Variants in TUB observed in about 807,000 individuals in gnomAD.
The protein encoded by TUB is TUB bipartite transcription factor.
In TUB, 33 loss-of-function variants were observed where a neutral mutation model predicts 59.7. That is an observed-to-expected ratio of 0.55 (90% CI 0.42 to 0.74). The LOEUF (loss-of-function observed/expected upper bound fraction) is 0.74. Among genes scored for constraint, TUB ranks in the 30% least tolerant of loss-of-function variants. TUB has a pLI of 0.00. For missense variants in TUB, 659 were observed against 672.0 expected (o/e 0.98, Z 0.21); for synonymous variants, 293 against 256.4 (o/e 1.14, Z -1.36).
chr11:8,055,887 G>C (rs1943011515), intron 2 of TUB, among the ~76,000 whole-genome samples: 1 of 152,220 alleles, frequency 6.6e-6, no homozygotes, highest in African/African-American at 2.4e-5. Flanking sequence ...TCAGGGCCCT[G>C]TGACTTCTGA....
intron 2 of TUB, among the ~76,000 whole-genome samples, chr11:8,049,594 G>T (rs1056371565): frequency 0.01 from 1,242 of 118,798 alleles, 14 homozygotes; most frequent in African/African-American, 0.021. Context: ...TAGATAGATA[G>T]ATAGATAGAT....
chr11:8,101,856 G>GACACGCCGA lies in TUB; in HGVS notation c.*237_*238insACACGCCGA. 2.1e-6 allele frequency: 1 copy of GACACGCCGA among 482,856 alleles called. No homozygotes were observed. Among genetic ancestry groups the GACACGCCGA allele is most frequent in the South Asian group, 3.7e-5 (1 of 26,828 alleles). 29.9% of individuals were successfully genotyped at this position (482,856 alleles called of 1,614,324 possible). On this transcript the variant is annotated 3_prime_UTR_variant, in exon 12 of 12. Coordinates refer to ENST00000299506, the MANE Select transcript of TUB (RefSeq NM_177972.3). ...AAGGGATGAGAATAATTCTTTCCAT[G>GACACGCCGA]CCACGAGATCAACACACACTCCCAC...
At position 8,104,388 on chromosome 11, in the gene TUB, C is replaced by CT. The variant is rs1944437914; in HGVS notation, c.*2772dup. ...CAACTCTTCTCCAAGTCTAGCTTTC[C>CT]TTTCCTTCTGGCTCCAAGGTGCTCT... is the stretch of plus-strand genomic sequence containing the variant. On this transcript the variant is annotated 3_prime_UTR_variant, in exon 12 of 12. Coordinates refer to ENST00000299506, the MANE Select transcript of TUB (RefSeq NM_177972.3). 1 of 152,314 alleles carries CT rather than the reference C, an allele frequency of 6.6e-6. No homozygotes were observed. Among genetic ancestry groups the CT allele is most frequent in the Non-Finnish European group, 1.5e-5 (1 of 68,120 alleles). The allele number at this position is 152,314 out of a possible 1,614,324, so 9.4% of individuals were successfully genotyped here.
In TUB at chr11:8,101,759, C is replaced by T. The variant is rs1944317953; in HGVS notation, c.*140C>T. ...GCCCTCAGTGGGCTCCCTGGCCCAG[C>T]CAGCCAGGAACTGGCTCCTTTGCCT... On this transcript the variant is annotated 3_prime_UTR_variant, in exon 12 of 12. Transcript: ENST00000299506. The T allele has an allele frequency of 1.4e-6, 2 of 1,420,622 alleles. No individual in the cohort carries two copies. Among genetic ancestry groups the T allele is most frequent in the South Asian group, 3.0e-5 (2 of 67,442 alleles). The allele number at this position is 1,420,622 out of a possible 1,614,324, so 88.0% of individuals were successfully genotyped here.
intron 1 of TUB, among the ~76,000 whole-genome samples, chr11:8,086,641 T>C (rs1943672113): frequency 6.6e-6 from 1 of 152,166 alleles, no homozygotes; most frequent in Non-Finnish European, 1.5e-5. Context: ...TTACCAGGAA[T>C]CGTGCCCACT....
At chr11:8,094,505 G>A (rs997923047) in intron 4 of TUB, among the ~76,000 whole-genome samples, 1 of 152,196 alleles carries the variant, frequency 6.6e-6, no homozygotes, top group African/African-American at 2.4e-5. Flanking sequence ...CCTCAAGGAG[G>A]ATCTCACCCA....
chr11:8,089,815 A>G (rs1286433443), intron 2 of TUB, among the ~76,000 whole-genome samples, 154 bp downstream of exon 2: 1 of 152,252 alleles, frequency 6.6e-6, no homozygotes, highest in Non-Finnish European at 1.5e-5. Context: ...CTCCCAGCTC[A>G]GCACTAACCC....
chr11:8,044,816 A>G (rs972661112), intron 2 of TUB, among the ~76,000 whole-genome samples: 1 of 152,222 alleles, frequency 6.6e-6, no homozygotes, highest in Non-Finnish European at 1.5e-5. Context: ...TGGCTAACAG[A>G]ACTCAGGAAA....
Position 8,104,226 on chromosome 11 carries a change from A to G in TUB, c.*2607A>G, listed in dbSNP as rs1307537784. On this transcript the variant is annotated 3_prime_UTR_variant, in exon 12 of 12. Transcript: ENST00000299506. ...CTTTGGGCAGGGAATTAATGACAGA[A>G]TGAGCAGTCCCTAATGGTATTGGGC... The G allele has an allele frequency of 6.6e-6, 1 of 152,242 alleles. No homozygotes were observed. The highest frequency in any genetic ancestry group is 1.5e-5 in the Non-Finnish European group (1 of 68,062). The allele number at this position is 152,242 out of a possible 1,614,324, so 9.4% of individuals were successfully genotyped here. A position where few individuals can be genotyped will look rare whatever the true frequency, so the allele number is the denominator to read the frequency against.
intron 1 of TUB, among the ~76,000 whole-genome samples, chr11:8,027,133 T>C (rs999136685): frequency 1.3e-5 from 2 of 152,220 alleles, no homozygotes; most frequent in South Asian, 2.1e-4. Flanking sequence ...TAAAATGAGC[T>C]ATTTCAATGA....
chr11:8,060,686 A>G (rs1419016124), intron 2 of TUB, among the ~76,000 whole-genome samples: 3 of 152,180 alleles, frequency 2.0e-5, no homozygotes, highest in Non-Finnish European at 4.4e-5. Context: ...CCCCAGCTTC[A>G]TCCAGAGCCA....
At chr11:8,032,587 A>G (rs1942590747) in intron 1 of TUB, among the ~76,000 whole-genome samples, 1 of 152,196 alleles carries the variant, frequency 6.6e-6, no homozygotes, top group African/African-American at 2.4e-5. Flanking sequence ...GATGCCTGAG[A>G]TATTCTCCCA....
chr11:8,040,466 C>T (rs975890224), intron 2 of TUB, among the ~76,000 whole-genome samples: 2 of 152,268 alleles, frequency 1.3e-5, no homozygotes, highest in East Asian at 1.9e-4. Flanking sequence ...TTTGCCTCCT[C>T]ATGGATGTCA....
Position 8,089,594 on chromosome 11 carries a change from C to T in TUB, c.39-16C>T, listed in dbSNP as rs752253606. 1.2e-6 allele frequency: 2 copies of T among 1,614,032 alleles called. No individual in the cohort carries two copies. The highest frequency in any genetic ancestry group is 1.1e-5 in the South Asian group (1 of 91,076). On this transcript the variant is annotated splice_polypyrimidine_tract_variant and intron_variant, in intron 1 of 11. Transcript: ENST00000299506. ...CCTCACGGGCAAGCCCTGAAAACCCCTCTTTCGCTCTGCAGTGTCTTAGAT... is the reference window on the plus strand; with the variant it reads ...CCTCACGGGCAAGCCCTGAAAACCCTTCTTTCGCTCTGCAGTGTCTTAGAT...
Position 8,100,436 on chromosome 11 carries a change from T to C in TUB, c.1117-67T>C, listed in dbSNP as rs999148089. ...AACTAGCTCTTCCTCTTTATTCCCGTCCCCCCCACCTTCTCCAGTAGGTAA... is the reference window on the plus strand; with the variant it reads ...AACTAGCTCTTCCTCTTTATTCCCGCCCCCCCCACCTTCTCCAGTAGGTAA... On this transcript the variant is annotated intron_variant, in intron 9 of 11. Transcript: ENST00000299506. 8 of 1,261,918 alleles carry C rather than the reference T, an allele frequency of 6.3e-6. No homozygotes were observed. In the African/African-American group the frequency reaches 1.0e-4, roughly 16 times the overall value. 78.2% of individuals were successfully genotyped at this position (1,261,918 alleles called of 1,614,324 possible). A position where few individuals can be genotyped will look rare whatever the true frequency, so the allele number is the denominator to read the frequency against.
At chr11:8,043,016 T>C (rs1318039450) in intron 2 of TUB, among the ~76,000 whole-genome samples, 1 of 152,214 alleles carries the variant, frequency 6.6e-6, no homozygotes, top group Non-Finnish European at 1.5e-5. Flanking sequence ...TGTAGGATTT[T>C]TTACAAAGAT....
rs1157811056 is a variant in TUB, at chr11:8,104,266, T to G, written c.*2647T>G. Reference sequence around the variant, plus strand: ...TGGTATTGGGCAGTTGGGAGTGAGTTTAGGCAGCTTCTCTGTAACCGCTTC... The same window carrying G: ...TGGTATTGGGCAGTTGGGAGTGAGTGTAGGCAGCTTCTCTGTAACCGCTTC... On this transcript the variant is annotated 3_prime_UTR_variant, in exon 12 of 12. Coordinates refer to ENST00000299506, the MANE Select transcript of TUB (RefSeq NM_177972.3). 1 of 152,182 alleles carries G rather than the reference T, an allele frequency of 6.6e-6. No individual in the cohort carries two copies. The highest frequency in any genetic ancestry group is 1.9e-4 in the East Asian group (1 of 5,188). The allele number at this position is 152,182 out of a possible 1,614,324, so 9.4% of individuals were successfully genotyped here.
intron 2 of TUB, chr11:8,069,398 TC>T (rs1425972198): frequency 1.1e-4 from 3 of 28,334 alleles, no homozygotes; most frequent in Admixed American, 4.2e-4. Context: ...TTGTATTCTT[TC>T]GGGGGGGGGG....
At chr11:8,039,380 C>A (rs965522301) in intron 1 of TUB, 3 of 447,570 alleles carry the variant, frequency 6.7e-6, no homozygotes, top group African/African-American at 2.0e-5. Context: ...TGTCTCCCCA[C>A]CCCCCAGTGC....
Sources: allele counts gnomAD v4.1 joint callset (sites outside exome capture counted in the v4.1 genomes callset), GRCh38; gene constraint gnomAD v4.1.1; transcripts MANE v1.5; gene names NCBI Gene and HGNC (gene_info 2026-07-23, HGNC 2026-07-21).